BLTP3B: variants seen among roughly 807,000 people sequenced by gnomAD.
BLTP3B encodes UHRF1 (ICBP90) binding protein 1-like.
At chr12:100,050,993 T>C in the BLTP3B span, 164 of 1,544,154 alleles carry the variant, frequency 1.1e-4, no homozygotes, top group Non-Finnish European at 1.4e-4. Context: ...ATTTTATATA[T>C]GAATGTCTCA....
the BLTP3B span, chr12:100,095,527 T>C: frequency 5.5e-6 from 5 of 905,956 alleles, no homozygotes; most frequent in Non-Finnish European, 8.1e-6. Flanking sequence ...TAAAATTACA[T>C]AGAAGATATC....
the BLTP3B span, chr12:100,057,979 C>T: frequency 2.5e-5 from 38 of 1,518,678 alleles, no homozygotes; most frequent in South Asian, 1.1e-4. Flanking sequence ...TAGGCACACA[C>T]GCTCCACAAA....
the BLTP3B span, among the ~76,000 whole-genome samples, chr12:100,090,584 T>C: frequency 6.6e-6 from 1 of 152,206 alleles, no homozygotes; most frequent in Admixed American, 6.5e-5. Context: ...ATATTACATC[T>C]ATGAAGAACT....
At chr12:100,088,915 C>T in the BLTP3B span, 1 of 1,541,142 alleles carries the variant, frequency 6.5e-7, no homozygotes, top group Non-Finnish European at 8.7e-7. Flanking sequence ...GTTATTTTAC[C>T]TTTTTCTTTA....
chr12:100,091,393 T>C, the BLTP3B span, among the ~76,000 whole-genome samples: 2 of 151,860 alleles, frequency 1.3e-5, no homozygotes, highest in South Asian at 4.2e-4. Context: ...TTTCACCACG[T>C]TGGACAGGCT....
the BLTP3B span, among the ~76,000 whole-genome samples, chr12:100,078,557 G>T: frequency 6.6e-6 from 1 of 152,118 alleles, no homozygotes; most frequent in Non-Finnish European, 1.5e-5. Context: ...TTAAGAGGGT[G>T]GGGGCTTTGG....
chr12:100,113,884 T>C, the BLTP3B span, among the ~76,000 whole-genome samples: 1 of 152,126 alleles, frequency 6.6e-6, no homozygotes, highest in Non-Finnish European at 1.5e-5. Context: ...TAACAATGCA[T>C]GTTAGATTGT....
the BLTP3B span, among the ~76,000 whole-genome samples, chr12:100,139,396 T>C: frequency 6.6e-6 from 1 of 152,202 alleles, no homozygotes; most frequent in Non-Finnish European, 1.5e-5. Flanking sequence ...AGGCTAAAAA[T>C]GAGAGCTCTT....
At chr12:100,105,485 CACATGTAGAAGAATGAA>C in the BLTP3B span, among the ~76,000 whole-genome samples, 1 of 152,048 alleles carries the variant, frequency 6.6e-6, no homozygotes. Flanking sequence ...AGTGGATAGC[CACATGTAGAAGAATGAA>C]ATTGGATCCC....
the BLTP3B span, among the ~76,000 whole-genome samples, chr12:100,086,887 G>A: frequency 3.9e-5 from 6 of 152,150 alleles, no homozygotes; most frequent in South Asian, 6.2e-4. Flanking sequence ...AAGGCTGGGC[G>A]CGGTGGCTCA....
chr12:100,084,505 G>T, the BLTP3B span: 1 of 1,613,832 alleles, frequency 6.2e-7, no homozygotes. Flanking sequence ...AGAGGCATGT[G>T]TTGGGGATTT....
At chr12:100,047,452 T>A in the BLTP3B span, 1 of 1,049,798 alleles carries the variant, frequency 9.5e-7, no homozygotes, top group Non-Finnish European at 1.5e-6. Context: ...TAGGCTGAGA[T>A]CGTGCCATTG....
the BLTP3B span, chr12:100,097,541 T>C: frequency 1.8e-5 from 28 of 1,551,440 alleles, no homozygotes; most frequent in East Asian, 1.2e-4. Flanking sequence ...CACTTACTCA[T>C]GCAAAACAGA....
At chr12:100,138,098 A>G in the BLTP3B span, among the ~76,000 whole-genome samples, 4 of 152,212 alleles carry the variant, frequency 2.6e-5, no homozygotes, top group Non-Finnish European at 4.4e-5. Context: ...GTCTGGAGAC[A>G]TTAAACATCC....
At chr12:100,106,397 C>T in the BLTP3B span, among the ~76,000 whole-genome samples, 13 of 152,022 alleles carry the variant, frequency 8.6e-5, no homozygotes, top group East Asian at 1.7e-3. Context: ...AAATGTGGTA[C>T]ATAAATACCA....
the BLTP3B span, among the ~76,000 whole-genome samples, chr12:100,068,102 T>C: frequency 6.6e-6 from 1 of 152,124 alleles, no homozygotes; most frequent in Non-Finnish European, 1.5e-5. Flanking sequence ...CAAACTATAC[T>C]ATAAGGCCAT....
chr12:100,096,645 CCT>C, the BLTP3B span, among the ~76,000 whole-genome samples: 1 of 151,742 alleles, frequency 6.6e-6, no homozygotes, highest in Admixed American at 6.6e-5. Flanking sequence ...AAAGCGAGAC[CCT>C]GTCTCTACAA....
chr12:100,099,500 C>T, the BLTP3B span, among the ~76,000 whole-genome samples: 1 of 150,666 alleles, frequency 6.6e-6, no homozygotes, highest in African/African-American at 2.4e-5. Context: ...GTAGCTCATG[C>T]CTGTAATCCC....
chr12:100,088,941 C>T, the BLTP3B span: 1 of 1,599,566 alleles, frequency 6.3e-7, no homozygotes, highest in Non-Finnish European at 8.5e-7. Flanking sequence ...AATGTCATCA[C>T]ATATGTGTAG....
Sources: gnomAD v4.1 joint callset for allele counts (sites outside exome capture counted in the v4.1 genomes callset) on GRCh38, gnomAD v4.1.1 for gene constraint, MANE v1.5 for transcripts, NCBI Gene and HGNC (gene_info 2026-07-23, HGNC 2026-07-21) for gene names.